Variants in PREX2 observed in about 807,000 individuals in gnomAD.
PREX2 encodes phosphatidylinositol-3,4,5-trisphosphate dependent Rac exchange factor 2, also known as phosphatidylinositol 3,4,5-trisphosphate-dependent Rac exchanger 2 protein.
Under a neutral mutation model 203.2 loss-of-function variants are expected in PREX2, and 107 were observed. The ratio of observed to expected loss-of-function variants is 0.53; its 90% CI spans 0.45 to 0.62. The LOEUF is 0.62. PREX2 is among the 20% of genes least tolerant of loss of function. PREX2 has a pLI of 0.00. For synonymous variants in PREX2, 672 were observed against 663.6 expected (o/e 1.01, Z -0.19); for missense variants, 1,777 against 1,955.9 (o/e 0.91, Z 1.72).
chr8:68,224,531 G>A (rs753113875), intron 38 of PREX2, 28 bp from the exon 39 acceptor site: 1 of 1,578,254 alleles, frequency 6.3e-7, no homozygotes, highest in Admixed American at 1.7e-5. Context: ...CACACTGTAG[G>A]GATAAAAGTG....
chr8:68,071,367 C>T (rs1809190294), intron 13 of PREX2, among the ~76,000 whole-genome samples: 1 of 152,078 alleles, frequency 6.6e-6, no homozygotes, highest in Non-Finnish European at 1.5e-5. Flanking sequence ...TGCATATGGT[C>T]TGTAATAGAC....
intron 1 of PREX2, among the ~76,000 whole-genome samples, chr8:67,982,039 A>G (rs189505493): frequency 6.6e-6 from 1 of 152,292 alleles, no homozygotes; most frequent in Admixed American, 6.5e-5. Context: ...CCAGTGAACA[A>G]GTAGAACTTA....
At chr8:68,164,365 TAC>T (rs964065597) in intron 35 of PREX2, among the ~76,000 whole-genome samples, 50 of 120,658 alleles carry the variant, frequency 4.1e-4, no homozygotes, top group African/African-American at 1.2e-3. Context: ...TATATATATA[TAC>T]ACACACACAC....
chr8:68,058,025 G>A (rs1808730490), intron 10 of PREX2, among the ~76,000 whole-genome samples: 1 of 152,198 alleles, frequency 6.6e-6, no homozygotes, highest in Non-Finnish European at 1.5e-5. Flanking sequence ...GTAAATGTTA[G>A]ATTACTGCGG....
chr8:68,080,024 A>T (rs1253877304), intron 15 of PREX2, among the ~76,000 whole-genome samples: 1 of 152,170 alleles, frequency 6.6e-6, no homozygotes, highest in Non-Finnish European at 1.5e-5. Flanking sequence ...ATTTTCCCAT[A>T]ATTGTGTGGG....
intron 1 of PREX2, among the ~76,000 whole-genome samples, chr8:68,011,594 T>A (rs1807263028): frequency 1.3e-5 from 2 of 152,142 alleles, no homozygotes; most frequent in Non-Finnish European, 2.9e-5. Context: ...GTGTTAATTT[T>A]CTCCAAGTGT....
At chr8:68,038,644 C>G (rs113999763) in intron 7 of PREX2, among the ~76,000 whole-genome samples, 4 of 152,074 alleles carry the variant, frequency 2.6e-5, no homozygotes, top group African/African-American at 7.2e-5. Flanking sequence ...TCATTTCCCC[C>G]TCTTCCTTCA....
intron 23 of PREX2, chr8:68,106,338 C>G (rs1237929215): frequency 5.9e-6 from 3 of 512,274 alleles, no homozygotes; most frequent in African/African-American, 5.8e-5. Context: ...ATATAAGCCT[C>G]CAAGTCACCG....
chr8:68,161,782 T>C (rs1246646751), intron 35 of PREX2, among the ~76,000 whole-genome samples: 1 of 152,198 alleles, frequency 6.6e-6, no homozygotes, highest in Non-Finnish European at 1.5e-5. Context: ...GTTTCTCTTA[T>C]ATCTGGTAGT....
At chr8:68,080,889 A>G in intron 17 of PREX2, 51 bp downstream of exon 17, 1 of 1,032,046 alleles carries the variant, frequency 9.7e-7, no homozygotes, top group Non-Finnish European at 1.5e-6. Context: ...ACATAAAAAT[A>G]GAGAAATTCT....
chr8:68,044,784 A>G (rs866112504), intron 8 of PREX2, among the ~76,000 whole-genome samples, 194 bp downstream of exon 8: 1 of 152,138 alleles, frequency 6.6e-6, no homozygotes, highest in Non-Finnish European at 1.5e-5. Context: ...GTGGAAAATT[A>G]TATATAGCCA....
chr8:68,065,960 T>C lies in PREX2; in HGVS notation c.1340-3073T>C, dbSNP rs148244074. Among the ~76,000 whole-genome samples, 348 of 152,294 alleles carry C rather than the reference T, an allele frequency of 2.3e-3. 3 individuals carry two copies. The highest frequency in any genetic ancestry group is 7.8e-3 in the African/African-American group (326 of 41,582). ...ATGGTATACAACATGTTTTGAAATA[T>C]GTGTAAATTGTGAAATGATCACCAC... On this transcript the variant is annotated intron_variant, in intron 11 of 39. Transcript: ENST00000288368.
chr8:67,983,289 A>G (rs556475378), intron 1 of PREX2, among the ~76,000 whole-genome samples: 1 of 67,138 alleles, frequency 1.5e-5, no homozygotes, highest in Admixed American at 1.7e-4. Flanking sequence ...CTGCCCCACA[A>G]GGCATTCATG....
At chr8:68,113,952 C>G (rs564635926) in intron 25 of PREX2, among the ~76,000 whole-genome samples, 1 of 152,244 alleles carries the variant, frequency 6.6e-6, no homozygotes, top group East Asian at 1.9e-4. Flanking sequence ...ACCTCCATCT[C>G]CAGGGTTCAA....
chr8:68,081,280 C>G (rs1809511658), intron 17 of PREX2, among the ~76,000 whole-genome samples: 1 of 152,098 alleles, frequency 6.6e-6, no homozygotes. Context: ...AATGTAATGC[C>G]ACGGCTGACT....
intron 29 of PREX2, among the ~76,000 whole-genome samples, chr8:68,120,612 G>C (rs1478320077): frequency 6.6e-6 from 1 of 152,124 alleles, no homozygotes; most frequent in Non-Finnish European, 1.5e-5. Context: ...GTTTCCCAGT[G>C]GTGAGGAAAG....
intron 37 of PREX2, among the ~76,000 whole-genome samples, chr8:68,206,193 ACCT>A (rs1812620944): frequency 6.6e-6 from 1 of 152,068 alleles, no homozygotes; most frequent in Non-Finnish European, 1.5e-5. Context: ...TGATTATATC[ACCT>A]CGTCTCTCAG....
chr8:68,038,298 A>G lies in PREX2; in HGVS notation c.839+6A>G. The G allele has an allele frequency of 6.2e-7, 1 of 1,613,516 alleles. No individual in the cohort carries two copies. The highest frequency in any genetic ancestry group is 8.5e-7 in the Non-Finnish European group (1 of 1,179,730). ...TACTGCAAAAGAAAACACAGGTAAG[A>G]TCCTAAGCAGGACACACTTCAGAAG... On this transcript the variant is annotated splice_donor_region_variant and intron_variant, in intron 7 of 39. Coordinates refer to ENST00000288368, the MANE Select transcript of PREX2 (RefSeq NM_024870.4).
chr8:68,066,499 G>A (rs1169640238), intron 11 of PREX2, among the ~76,000 whole-genome samples: 1 of 151,968 alleles, frequency 6.6e-6, no homozygotes, highest in Non-Finnish European at 1.5e-5. Flanking sequence ...ATGCCTGTTG[G>A]CCATCTTTAT....
Sources: gnomAD v4.1 joint callset for allele counts (sites outside exome capture counted in the v4.1 genomes callset) on GRCh38, gnomAD v4.1.1 for gene constraint, MANE v1.5 for transcripts, NCBI Gene and HGNC (gene_info 2026-07-23, HGNC 2026-07-21) for gene names.